The following CISH variants were observed in gnomAD, a reference collection of about 807,000 sequenced individuals.
CISH encodes the protein cytokine inducible SH2 containing protein.
In CISH, 11 loss-of-function variants were observed where a neutral mutation model predicts 21.3. The observed-to-expected ratio is 0.52, with a 90% confidence interval of 0.32 to 0.85. CISH has a LOEUF of 0.85. Ranked by LOEUF, CISH falls within the 40% of genes least tolerant of loss-of-function variation. The probability of loss-of-function intolerance (pLI) is 0.03; values close to 1 mark genes in which losing one functional copy is unlikely to be tolerated. For missense variants in CISH, 280 were observed against 351.7 expected (o/e 0.80, Z 1.63); for synonymous variants, 118 against 142.3 (o/e 0.83, Z 1.22).
At chr3:50,610,735 C>A in intron 1 of CISH, 1 of 1,270,872 alleles carries the variant, frequency 7.9e-7, no homozygotes. Context: ...CCTCACTTGG[C>A]ACCAGGCCAG....
chr3:50,611,559 G>C (rs2032326571), intron 1 of CISH, 72 bp downstream of exon 1: 1 of 1,524,124 alleles, frequency 6.6e-7, no homozygotes, highest in African/African-American at 1.4e-5. Flanking sequence ...ATGCCCGGCA[G>C]CTAGCACGAA....
At chr3:50,611,368 C>A in intron 1 of CISH, 2 of 1,351,302 alleles carry the variant, frequency 1.5e-6, no homozygotes, top group Non-Finnish European at 1.9e-6. Flanking sequence ...CCAATGAGAA[C>A]CCAGGCTGAG....
At chr3:50,610,770 C>T in intron 1 of CISH, 3 of 1,210,408 alleles carry the variant, frequency 2.5e-6, no homozygotes, top group Non-Finnish European at 3.1e-6. Flanking sequence ...GCCACCCAGT[C>T]CTCCCTGAGT....
In CISH at chr3:50,607,800, G is replaced by A. The variant is rs768335850; in HGVS notation, c.584C>T (p.Pro195Leu). Residue 195 changes from proline to leucine, a missense_variant, in exon 3 of 3, where the codon CCA becomes CTA. By Grantham distance (98) the Pro-to-Leu change is moderately conservative. Transcript: ENST00000348721. Reference protein sequence around the residue: ...PMPKEDAPSDPALPAPPPATA... With the variant: ...PMPKEDAPSDLALPAPPPATA... The stretch of plus-strand genomic sequence containing the variant: ...GGCTGGTGGAGGAGCAGGCAGTGCT[G>A]GGTCACTAGGCGCATCCTCCTTAGG... The A allele has an allele frequency of 2.5e-5, 41 of 1,613,794 alleles. 2 individuals are homozygous for A. In the South Asian group the frequency reaches 4.4e-4, roughly 17 times the overall value.
In CISH at chr3:50,609,904, T is replaced by C. The variant is rs138820889; in HGVS notation, c.21-1311A>G. Reference sequence around the variant, plus strand: ...GGGACCCCAGGTAGAGAGGACAGCATGGGCAAACAGCGCCAGTATTGCTTG... The same window carrying C: ...GGGACCCCAGGTAGAGAGGACAGCACGGGCAAACAGCGCCAGTATTGCTTG... On this transcript the variant is annotated intron_variant, in intron 1 of 2. Transcript: ENST00000348721. 46 of 160,744 alleles carry C rather than the reference T, an allele frequency of 2.9e-4. No individual in the cohort carries two copies. The Middle Eastern group carries it at 9.4e-3, about 33-fold the overall frequency. The allele number at this position is 160,744 out of a possible 1,614,324, so 10.0% of individuals were successfully genotyped here. A position where few individuals can be genotyped will look rare whatever the true frequency, so the allele number is the denominator to read the frequency against.
intron 1 of CISH, chr3:50,610,931 ACT>A: frequency 2.0e-6 from 2 of 1,006,342 alleles, no homozygotes; most frequent in East Asian, 1.0e-4. Flanking sequence ...TCAGGTCAAG[ACT>A]CTGTCTTATC....
Position 50,608,568 on chromosome 3 carries a change from G to A in CISH, c.46C>T (p.Arg16Trp), listed in dbSNP as rs531354952. 2.3e-5 allele frequency: 35 copies of A among 1,550,752 alleles called. No individual in the cohort carries two copies. The highest frequency in any genetic ancestry group is 1.7e-4 in the Middle Eastern group (1 of 5,784). The change falls in exon 2 of 3, where the codon CGG (arginine) becomes TGG (tryptophan). Residue 16 changes from arginine to tryptophan, a missense_variant. Coordinates refer to ENST00000348721, the MANE Select transcript of CISH (RefSeq NM_145071.4). Reference sequence around the variant, plus strand: ...GCCCACAGGGGCCGCTGCCCAGTCCGCTCCACAGCCAGCAAAGGACGAGGT... The same window carrying A: ...GCCCACAGGGGCCGCTGCCCAGTCCACTCCACAGCCAGCAAAGGACGAGGT... Reference protein sequence around the residue: ...QGPRPLLAVERTGQRPLWAPS... With the variant: ...QGPRPLLAVEWTGQRPLWAPS...
rs374424691 is a variant in CISH, at chr3:50,607,811, C to T, written c.573G>A (p.Ala191=). Residue 191 remains alanine (A), a synonymous_variant, in exon 3 of 3, where the codon GCG becomes GCA. Coordinates refer to ENST00000348721, the MANE Select transcript of CISH (RefSeq NM_145071.4). The stretch of plus-strand genomic sequence containing the variant: ...GAGCAGGCAGTGCTGGGTCACTAGG[C>T]GCATCCTCCTTAGGCATAGGCAGGG... The part of the protein sequence containing the change: ...TPALPMPKED[A]PSDPALPAPP... The T allele has an allele frequency of 4.5e-5, 72 of 1,613,592 alleles. No individual in the cohort carries two copies. Among genetic ancestry groups the T allele is most frequent in the Admixed American group, 6.7e-5 (4 of 59,994 alleles).
intron 1 of CISH, chr3:50,610,276 G>A: frequency 7.2e-7 from 1 of 1,388,186 alleles, no homozygotes; most frequent in South Asian, 1.2e-5. Context: ...CCGGTCCTCA[G>A]ATCCCACATG....
In CISH at chr3:50,611,774, T is replaced by G. The variant is rs984995987; in HGVS notation, c.-124A>C. The G allele has an allele frequency of 7.7e-7, 1 of 1,296,130 alleles. No homozygotes were observed. Among genetic ancestry groups the G allele is most frequent in the Non-Finnish European group, 1.0e-6 (1 of 1,002,036 alleles). The allele number at this position is 1,296,130 out of a possible 1,614,324, so 80.3% of individuals were successfully genotyped here. On this transcript the variant is annotated 5_prime_UTR_variant, in exon 1 of 3. Transcript: ENST00000348721. Reference sequence around the variant, plus strand: ...GGGCGCGCGGGCGCAGGACAGGGACTGAGAGGCAGTGGCGCGGACCGCCTG... The same window carrying G: ...GGGCGCGCGGGCGCAGGACAGGGACGGAGAGGCAGTGGCGCGGACCGCCTG...
In CISH at chr3:50,608,379, C is replaced by T; in HGVS notation, c.235G>A (p.Glu79Lys). Residue 79 changes from glutamate (E) to lysine (K), a missense_variant, in exon 2 of 3, where the codon GAA becomes AAA. Glu to Lys is a moderately conservative substitution (Grantham distance 56). Coordinates refer to ENST00000348721, the MANE Select transcript of CISH (RefSeq NM_145071.4). ...CIAKTFSYLR[E>K]SGWYWGSITA... is the part of the protein sequence containing the mutation. ...CCTCCCCCCTCAGACTCACCAGATT[C>T]CCGAAGGTAGGAGAAGGTCTTGGCT... 1 of 1,599,482 alleles carries T rather than the reference C, an allele frequency of 6.3e-7. No individual in the cohort carries two copies. The highest frequency in any genetic ancestry group is 8.5e-7 in the Non-Finnish European group (1 of 1,173,096).
At chr3:50,611,460 C>A in intron 1 of CISH, 171 bp downstream of exon 1, 1 of 1,410,932 alleles carries the variant, frequency 7.1e-7, no homozygotes, top group South Asian at 1.5e-5. Flanking sequence ...TGTGTGGGGG[C>A]GGGGAGTGGG....
At chr3:50,610,925 G>C in intron 1 of CISH, 2 of 1,010,114 alleles carry the variant, frequency 2.0e-6, no homozygotes, top group Non-Finnish European at 2.4e-6. Context: ...CTCAGCTCAG[G>C]TCAAGACTCT....
Position 50,611,680 on chromosome 3 carries a change from G to C in CISH, c.-30C>G. 1.2e-5 allele frequency: 17 copies of C among 1,476,186 alleles called. No homozygotes were observed. Among genetic ancestry groups the C allele is most frequent in the Non-Finnish European group, 1.4e-5 (16 of 1,113,802 alleles). The allele number at this position is 1,476,186 out of a possible 1,614,324, so 91.4% of individuals were successfully genotyped here. On this transcript the variant is annotated 5_prime_UTR_variant, in exon 1 of 3. Transcript: ENST00000348721. Reference sequence around the variant, plus strand: ...CCGCGGCAGCGGCGACTCCGGAGTGGGGACTCGGCTGGACGGCGGCGGCTG... The same window carrying C: ...CCGCGGCAGCGGCGACTCCGGAGTGCGGACTCGGCTGGACGGCGGCGGCTG...
chr3:50,607,309 A>C lies in CISH; in HGVS notation c.*298T>G. 9.9e-6 allele frequency: 4 copies of C among 402,326 alleles called. No homozygotes were observed. The highest frequency in any genetic ancestry group is 9.2e-6 in the Non-Finnish European group (2 of 217,664). The allele number at this position is 402,326 out of a possible 1,614,324, so 24.9% of individuals were successfully genotyped here. ...ACAGTTCAGGTGGCCAGGGCAGGCA[A>C]GCGAGTGGAGGTCTGGGCCCAGCCC... On this transcript the variant is annotated 3_prime_UTR_variant, in exon 3 of 3. Transcript: ENST00000348721.
At position 50,607,794 on chromosome 3, in the gene CISH, A is replaced by AGTGCT; in HGVS notation, c.585_589dup (p.Leu197GlnfsTer14). 1.2e-6 allele frequency: 2 copies of AGTGCT among 1,613,750 alleles called. No individual in the cohort carries two copies. Among genetic ancestry groups the AGTGCT allele is most frequent in the Non-Finnish European group, 1.7e-6 (2 of 1,179,876 alleles). ...AGCAGTGGCTGGTGGAGGAGCAGGC[A>AGTGCT]GTGCTGGGTCACTAGGCGCATCCTC... is the stretch of plus-strand genomic sequence containing the variant. On this transcript the variant is annotated frameshift_variant, in exon 3 of 3. Coordinates refer to ENST00000348721, the MANE Select transcript of CISH (RefSeq NM_145071.4). LOFTEE classifies it high-confidence loss of function.
chr3:50,610,761 C>G (rs2032300108), intron 1 of CISH: 1 of 1,224,780 alleles, frequency 8.2e-7, no homozygotes, highest in Non-Finnish European at 1.0e-6. Context: ...ATAAGCACAG[C>G]CACCCAGTCC....
intron 1 of CISH, 123 bp downstream of exon 1, chr3:50,611,508 C>A: frequency 6.7e-7 from 1 of 1,494,024 alleles, no homozygotes; most frequent in Non-Finnish European, 8.9e-7. Context: ...CTCCTGAGGT[C>A]CGTCTGCGCT....
Position 50,610,416 on chromosome 3 carries a change from G to T in CISH, c.20+1215C>A, listed in dbSNP as rs554848995. ...ATGGCTGTGTCATCATCATGGTGGG[G>T]ACAGTGGCTGGTGTGTTCTAGGTAC... On this transcript the variant is annotated intron_variant, in intron 1 of 2. Coordinates refer to ENST00000348721, the MANE Select transcript of CISH (RefSeq NM_145071.4). The T allele has an allele frequency of 2.2e-4, 343 of 1,551,620 alleles. 2 individuals are homozygous for T. In the South Asian group the frequency reaches 3.9e-3, roughly 18 times the overall value.
Sources: allele counts gnomAD v4.1 joint callset, GRCh38; gene constraint gnomAD v4.1.1; transcripts MANE v1.5; gene names NCBI Gene and HGNC (gene_info 2026-07-23, HGNC 2026-07-21).